The following GPBP1L1 variants were observed in gnomAD, a reference collection of about 807,000 sequenced individuals.
The protein encoded by GPBP1L1 is GC-rich promoter binding protein 1 like 1, also known as vasculin-like protein 1.
A neutral mutation model predicts 52.5 loss-of-function variants in GPBP1L1; 23 were observed. That is an observed-to-expected ratio of 0.44 (90% CI 0.32 to 0.62). The LOEUF (loss-of-function observed/expected upper bound fraction) is 0.62, where lower values mean the gene tolerates loss of function less well. Ranked by LOEUF, GPBP1L1 falls within the 20% of genes least tolerant of loss-of-function variation. The pLI is 0.06. For missense variants in GPBP1L1, 596 were observed against 579.3 expected, an observed-to-expected ratio of 1.03 and a Z score of -0.30; for synonymous variants, 243 against 203.1, an observed-to-expected ratio of 1.20 and a Z score of -1.67.
At chr1:45,672,086 G>A (rs1374253122) in intron 2 of GPBP1L1, among the ~76,000 whole-genome samples, 4 of 152,064 alleles carry the variant, frequency 2.6e-5, no homozygotes, top group Non-Finnish European at 5.9e-5. Context: ...ATTCAGGCTG[G>A]GTGCGGTGGC....
At chr1:45,656,317 C>T (rs1227182849) in intron 4 of GPBP1L1, among the ~76,000 whole-genome samples, 2 of 152,124 alleles carry the variant, frequency 1.3e-5, no homozygotes, top group African/African-American at 2.4e-5. Flanking sequence ...ATGATAGAGA[C>T]CAAAGTCCAC....
At chr1:45,674,891 C>T (rs1645119533) in intron 2 of GPBP1L1, among the ~76,000 whole-genome samples, 1 of 152,212 alleles carries the variant, frequency 6.6e-6, no homozygotes, top group African/African-American at 2.4e-5. Context: ...AGATGTAAGT[C>T]AAGGAGTAGC....
chr1:45,675,792 C>T (rs144788595), intron 2 of GPBP1L1, among the ~76,000 whole-genome samples: 107 of 152,262 alleles, frequency 7.0e-4, no homozygotes, highest in Non-Finnish European at 1.3e-3. Flanking sequence ...CCACCAGCCT[C>T]GGCCTCCCAA....
intron 6 of GPBP1L1, among the ~76,000 whole-genome samples, chr1:45,650,528 G>T (rs1431681357): frequency 6.6e-6 from 1 of 152,066 alleles, no homozygotes; most frequent in Non-Finnish European, 1.5e-5. Context: ...ACTTGCCCAG[G>T]TAACAATATA....
At position 45,634,207 on chromosome 1, in the gene GPBP1L1, C is replaced by T; in HGVS notation, c.774G>A (p.Glu258=). 1.2e-6 allele frequency: 2 copies of T among 1,613,522 alleles called. No homozygotes were observed. The highest frequency in any genetic ancestry group is 2.2e-5 in the South Asian group (2 of 91,006). The part of the protein sequence containing the change: ...KPNAWKANRM[E]HKSGSLSSSR... ...TAGAGGAAAGGGATCCTGACTTGTG[C>T]TCCATCCTGTTAGCTTTCCATGCAT... The change falls in exon 9 of 13, where the codon GAG becomes GAA. Residue 258 remains glutamate, a synonymous_variant. Transcript: ENST00000355105.
Position 45,655,203 on chromosome 1 carries a change from T to C in GPBP1L1, c.177A>G (p.Leu59=). 2 of 1,614,106 alleles carry C rather than the reference T, an allele frequency of 1.2e-6. No individual in the cohort carries two copies. Among genetic ancestry groups the C allele is most frequent in the Non-Finnish European group, 1.7e-6 (2 of 1,179,976 alleles). The stretch of plus-strand genomic sequence containing the variant: ...GACATGGCTCACCTCCTGCAGTTCG[T>C]AGGGGACCATTGTTAAAAAAACCAT... ...SSDGFFNNGP[L]RTAGDSWHQP... The change falls in exon 5 of 13, where the codon CTA becomes CTG. Residue 59 remains leucine (L), a synonymous_variant. Transcript: ENST00000355105.
At position 45,632,177 on chromosome 1, in the gene GPBP1L1, G is replaced by A. The variant is rs928562312; in HGVS notation, c.1044+1312C>T. 3.9e-5 allele frequency among the ~76,000 whole-genome samples: 6 copies of A among 152,196 alleles called. No individual in the cohort carries two copies. The East Asian group carries it at 1.2e-3, about 29-fold the overall frequency. On this transcript the variant is annotated intron_variant, in intron 10 of 12. Coordinates refer to ENST00000355105, the MANE Select transcript of GPBP1L1 (RefSeq NM_021639.5). ...GTCTGAGCTCTTGGTCTTCAAGGAA[G>A]CAGGTTGGCCTTCCTCTGCCTCTTG...
intron 12 of GPBP1L1, 109 bp downstream of exon 12, chr1:45,629,467 C>T (rs558178342): frequency 3.9e-5 from 6 of 155,476 alleles, no homozygotes; most frequent in African/African-American, 8.2e-5. Context: ...CCCCCCCCCC[C>T]ACCCGATCTT....
intron 2 of GPBP1L1, among the ~76,000 whole-genome samples, chr1:45,672,440 T>C (rs1557719761): frequency 6.6e-6 from 1 of 152,208 alleles, no homozygotes; most frequent in Non-Finnish European, 1.5e-5. Flanking sequence ...ACTGCTGGCA[T>C]AAATTATATC....
intron 2 of GPBP1L1, among the ~76,000 whole-genome samples, chr1:45,684,541 GCA>G (rs894741400): frequency 1.6e-4 from 25 of 152,204 alleles, no homozygotes; most frequent in African/African-American, 5.5e-4. Flanking sequence ...CCACTGATGA[GCA>G]ATCTAGTAAA....
intron 3 of GPBP1L1, 66 bp downstream of exon 3, chr1:45,660,118 C>T (rs3811435): frequency 4.5e-6 from 4 of 883,972 alleles, no homozygotes; most frequent in East Asian, 1.2e-4. Flanking sequence ...AGAAAGCAGT[C>T]GGTATTTTTC....
chr1:45,683,203 C>G (rs201577311), intron 2 of GPBP1L1, among the ~76,000 whole-genome samples: 3 of 83,776 alleles, frequency 3.6e-5, no homozygotes, highest in African/African-American at 1.6e-4. Flanking sequence ...GAATATAGGC[C>G]TTTTTTTTTT....
At chr1:45,629,237 G>A (rs1557691555) in intron 12 of GPBP1L1, among the ~76,000 whole-genome samples, 1 of 152,232 alleles carries the variant, frequency 6.6e-6, no homozygotes, top group Non-Finnish European at 1.5e-5. Flanking sequence ...TCAGGAAGCA[G>A]AGGAAGGTGA....
rs545857273 is a variant in GPBP1L1, at chr1:45,644,544, T to C, written c.478-2045A>G. On this transcript the variant is annotated intron_variant, in intron 6 of 12. Coordinates refer to ENST00000355105, the MANE Select transcript of GPBP1L1 (RefSeq NM_021639.5). ...AAAACCCCAAAACTACTCATACTTATGGTGATCACTGCATTTTTTTTTTTT... is the reference window on the plus strand; with the variant it reads ...AAAACCCCAAAACTACTCATACTTACGGTGATCACTGCATTTTTTTTTTTT... 5.1e-5 allele frequency among the ~76,000 whole-genome samples: 7 copies of C among 136,858 alleles called. No individual in the cohort carries two copies. In the South Asian group the frequency reaches 9.6e-4, roughly 19 times the overall value. The allele number at this position is 136,858 out of a possible 152,430, so 89.8% of individuals were successfully genotyped here.
At chr1:45,646,617 G>A (rs1240119252) in intron 6 of GPBP1L1, among the ~76,000 whole-genome samples, 2 of 151,068 alleles carry the variant, frequency 1.3e-5, no homozygotes, top group Non-Finnish European at 1.5e-5. Flanking sequence ...GTGCAGTGGC[G>A]CGATCTCAGC....
At chr1:45,650,904 A>G (rs949617799) in intron 6 of GPBP1L1, 1 of 296,704 alleles carries the variant, frequency 3.4e-6, no homozygotes, top group South Asian at 3.1e-5. Flanking sequence ...TCTCCAACCA[A>G]TTCTGCTCCT....
At chr1:45,682,380 A>G (rs1645222065) in intron 2 of GPBP1L1, among the ~76,000 whole-genome samples, 1 of 152,188 alleles carries the variant, frequency 6.6e-6, no homozygotes, top group South Asian at 2.1e-4. Flanking sequence ...AAATAGACCT[A>G]CTGCTCAGAA....
intron 10 of GPBP1L1, chr1:45,630,812 G>C (rs988517700): frequency 7.2e-6 from 4 of 554,012 alleles, no homozygotes; most frequent in Non-Finnish European, 1.3e-5. Context: ...AAAAGATCCA[G>C]AACAGCCAAC....
At chr1:45,646,466 A>G (rs1427122909) in intron 6 of GPBP1L1, among the ~76,000 whole-genome samples, 11 of 152,186 alleles carry the variant, frequency 7.2e-5, no homozygotes, top group Non-Finnish European at 1.2e-4. Context: ...GTATTTTGTA[A>G]GAGTATGTCT....
Sources: gnomAD v4.1 joint callset for allele counts (sites outside exome capture counted in the v4.1 genomes callset) on GRCh38, gnomAD v4.1.1 for gene constraint, MANE v1.5 for transcripts, NCBI Gene and HGNC (gene_info 2026-07-23, HGNC 2026-07-21) for gene names.